The following ZNF90 variants were observed in gnomAD, a reference collection of about 807,000 sequenced individuals.
The protein encoded by ZNF90 is zinc finger protein 90.
ZNF90 carries 11 observed loss-of-function variants against 12.0 expected under a neutral mutation model. The ratio of observed to expected loss-of-function variants is 0.92; its 90% CI spans 0.58 to 1.52. The LOEUF is 1.52. Ranked by LOEUF, ZNF90 falls within the 40% of genes most tolerant of loss-of-function variation. The probability of loss-of-function intolerance (pLI) is 0.00; values close to 1 mark genes in which losing one functional copy is unlikely to be tolerated. For missense variants in ZNF90, 765 were observed against 711.5 expected, an observed-to-expected ratio of 1.08 and a Z score of -0.86; for synonymous variants, 232 against 240.1, an observed-to-expected ratio of 0.97 and a Z score of 0.31.
intron 1 of ZNF90, among the ~76,000 whole-genome samples, chr19:20,084,842 G>GT (rs2088846694): frequency 2.6e-5 from 4 of 152,148 alleles, no homozygotes; most frequent in Admixed American, 2.0e-4. Context: ...AGGTTGTTCG[G>GT]TTTTTTCTTG....
intron 1 of ZNF90, among the ~76,000 whole-genome samples, chr19:20,100,900 A>G (rs1555703797): frequency 6.6e-6 from 1 of 152,224 alleles, no homozygotes; most frequent in Non-Finnish European, 1.5e-5. Context: ...ATCACCTGAG[A>G]GCAGAGGGGG....
At chr19:20,094,416 G>A (rs781992469) in intron 1 of ZNF90, among the ~76,000 whole-genome samples, 30 of 152,208 alleles carry the variant, frequency 2.0e-4, no homozygotes, top group Admixed American at 1.3e-4. Context: ...AAGCGTCTAA[G>A]GGTTGCTGCT....
intron 3 of ZNF90, among the ~76,000 whole-genome samples, chr19:20,112,020 G>A (rs781879525): frequency 5.9e-5 from 9 of 151,630 alleles, no homozygotes; most frequent in African/African-American, 1.9e-4. Context: ...CACCATGCCC[G>A]CCTAATTTTT....
intron 3 of ZNF90, among the ~76,000 whole-genome samples, chr19:20,116,812 A>T (rs2089140483): frequency 6.6e-6 from 1 of 152,042 alleles, no homozygotes; most frequent in Admixed American, 6.6e-5. Context: ...GGGGTACTGC[A>T]GTTTCTCTGC....
At chr19:20,078,793 G>C (rs2088797528) in intron 1 of ZNF90, among the ~76,000 whole-genome samples, 2 of 152,064 alleles carry the variant, frequency 1.3e-5, no homozygotes, top group Non-Finnish European at 2.9e-5. Context: ...CCCAGCCAAT[G>C]GAGGGAAAAC....
chr19:20,118,885 A>T lies in ZNF90; in HGVS notation c.1331A>T (p.Lys444Met). Residue 444 changes from lysine to methionine, a missense_variant, in exon 4 of 4, where the codon AAG (lysine) becomes ATG (methionine). Physicochemically the swap from Lys to Met is moderately conservative, Grantham distance 95 (BLOSUM62 -1). Coordinates refer to ENST00000418063, the MANE Select transcript of ZNF90 (RefSeq NM_007138.2). The stretch of plus-strand genomic sequence containing the variant: ...CGCTCCTCAGCCCTTAGCACACATA[A>T]GATAATTCATAGTGGAGAGAAACCC... ...FKRSSALSTH[K>M]IIHSGEKPYK... 6.2e-7 allele frequency: 1 copy of T among 1,612,176 alleles called. No homozygotes were observed. The highest frequency in any genetic ancestry group is 8.5e-7 in the Non-Finnish European group (1 of 1,179,126).
chr19:20,117,819 C>T lies in ZNF90; in HGVS notation c.265C>T (p.Gln89Ter). The T allele has an allele frequency of 6.3e-7, 1 of 1,584,208 alleles. No homozygotes were observed. Among genetic ancestry groups the T allele is most frequent in the Non-Finnish European group, 8.6e-7 (1 of 1,167,530 alleles). Residue 89 changes from glutamine (Q) to a stop codon, truncating the protein, a stop_gained, in exon 4 of 4, where the codon CAG becomes TAG. Coordinates refer to ENST00000418063, the MANE Select transcript of ZNF90 (RefSeq NM_007138.2). LOFTEE classifies it low-confidence loss of function (END_TRUNC). Reference sequence around the variant, plus strand: ...TTTTGCCCAAGACCTTTGTCCAGAGCAGAGCCTAAAAGATTCCTTCCAAAA... The same window carrying T: ...TTTTGCCCAAGACCTTTGTCCAGAGTAGAGCCTAAAAGATTCCTTCCAAAA... Reference protein sequence around the residue: ...FHFAQDLCPEQSLKDSFQKVI... With the variant: ...FHFAQDLCPE
At chr19:20,106,834 T>C (rs566596570) in intron 3 of ZNF90, 102 of 452,312 alleles carry the variant, frequency 2.3e-4, no homozygotes, top group Non-Finnish European at 3.1e-4. Flanking sequence ...GAATTGATAG[T>C]GAAGAGGGGT....
chr19:20,107,172 A>AC (rs2089047022), intron 3 of ZNF90: 8 of 364,664 alleles, frequency 2.2e-5, no homozygotes, highest in South Asian at 1.6e-4. Flanking sequence ...CGCTTCAGGG[A>AC]CCCCAGTAAA....
intron 3 of ZNF90, chr19:20,106,844 T>G (rs1310115471): frequency 6.6e-6 from 3 of 452,434 alleles, no homozygotes; most frequent in South Asian, 3.1e-5. Context: ...TGAAGAGGGG[T>G]TGTAGCTTGG....
At chr19:20,109,217 CTGTT>C (rs1403594738) in intron 3 of ZNF90, among the ~76,000 whole-genome samples, 2 of 152,156 alleles carry the variant, frequency 1.3e-5, no homozygotes, top group African/African-American at 4.8e-5. Context: ...ATTTGCAATT[CTGTT>C]TGTACACTTT....
At chr19:20,098,859 A>G (rs2088968205) in intron 1 of ZNF90, among the ~76,000 whole-genome samples, 5 of 152,188 alleles carry the variant, frequency 3.3e-5, no homozygotes, top group African/African-American at 1.2e-4. Context: ...TGTCTTTGGT[A>G]CCCAGATGAG....
chr19:20,108,005 T>G (rs553166890), intron 3 of ZNF90, among the ~76,000 whole-genome samples: 37 of 152,148 alleles, frequency 2.4e-4, no homozygotes, highest in Non-Finnish European at 4.1e-4. Flanking sequence ...GGTCTAACCC[T>G]ATTCTGGAAA....
At chr19:20,106,552 C>G (rs1266424772) in intron 3 of ZNF90, among the ~76,000 whole-genome samples, 4 of 152,208 alleles carry the variant, frequency 2.6e-5, no homozygotes, top group Non-Finnish European at 4.4e-5. Context: ...CTCCCAGGTT[C>G]ACGCCATTCT....
chr19:20,119,451 C>A lies in ZNF90; in HGVS notation c.*91C>A. The A allele has an allele frequency of 9.5e-7, 1 of 1,057,524 alleles. No individual in the cohort carries two copies. The highest frequency in any genetic ancestry group is 1.4e-6 in the Non-Finnish European group (1 of 739,832). 65.5% of individuals were successfully genotyped at this position (1,057,524 alleles called of 1,614,324 possible). A position where few individuals can be genotyped will look rare whatever the true frequency, so the allele number is the denominator to read the frequency against. On this transcript the variant is annotated 3_prime_UTR_variant, in exon 4 of 4. Coordinates refer to ENST00000418063, the MANE Select transcript of ZNF90 (RefSeq NM_007138.2). ...GACTGTTGGAAAGCCTTTGACCACC[C>A]CTCTACTCTTACTAAATATGAGAAT...
At chr19:20,092,914 AGC>A (rs2088913744) in intron 1 of ZNF90, among the ~76,000 whole-genome samples, 1 of 152,166 alleles carries the variant, frequency 6.6e-6, no homozygotes, top group Admixed American at 6.5e-5. Flanking sequence ...TAAGGTGAGA[AGC>A]GGAGGGGTGG....
chr19:20,107,016 A>G (rs1599650275), intron 3 of ZNF90: 3 of 454,522 alleles, frequency 6.6e-6, no homozygotes, highest in South Asian at 4.7e-5. Context: ...TCGGGTCTGC[A>G]TATGGTGGGC....
At position 20,118,561 on chromosome 19, in the gene ZNF90, C is replaced by T. The variant is rs2089164282; in HGVS notation, c.1007C>T (p.Thr336Ile). The change falls in exon 4 of 4, where the codon ACT (threonine) becomes ATT (isoleucine). Residue 336 changes from threonine (T) to isoleucine (I), a missense_variant. Coordinates refer to ENST00000418063, the MANE Select transcript of ZNF90 (RefSeq NM_007138.2). ...SILSTHKRIHTGEKPYKCEEC... is the reference protein window; with the variant it reads ...SILSTHKRIHIGEKPYKCEEC... The stretch of plus-strand genomic sequence containing the variant: ...CTTAGTACACATAAGAGAATCCATA[C>T]TGGAGAGAAACCCTACAAATGTGAA... 1 of 1,613,278 alleles carries T rather than the reference C, an allele frequency of 6.2e-7. No individual in the cohort carries two copies. Among genetic ancestry groups the T allele is most frequent in the Non-Finnish European group, 8.5e-7 (1 of 1,179,916 alleles).
intron 1 of ZNF90, among the ~76,000 whole-genome samples, chr19:20,095,927 C>T (rs1473466490): frequency 6.6e-6 from 1 of 152,234 alleles, no homozygotes; most frequent in Non-Finnish European, 1.5e-5. Flanking sequence ...TGTGGTCTGA[C>T]ACCCTTGAAA....
Sources: allele counts gnomAD v4.1 joint callset (sites outside exome capture counted in the v4.1 genomes callset), GRCh38; gene constraint gnomAD v4.1.1; transcripts MANE v1.5; gene names NCBI Gene and HGNC (gene_info 2026-07-23, HGNC 2026-07-21).